Variants in LACC1 observed in about 807,000 individuals in gnomAD.
The protein encoded by LACC1 is laccase domain multifunctional purine nucleosidase 1, also known as purine nucleoside phosphorylase LACC1.
Under a neutral mutation model 34.8 loss-of-function variants are expected in LACC1, and 25 were observed. The observed-to-expected ratio is 0.72, with a 90% CI of 0.52 to 1.00. LACC1 has a LOEUF of 1.00. Among genes scored for constraint, LACC1 ranks in the 50% least tolerant of loss-of-function variants. LACC1 has a pLI of 0.00. For missense variants in LACC1, 426 were observed against 511.2 expected (o/e 0.83, Z 1.61); for synonymous variants, 162 against 168.0 (o/e 0.96, Z 0.28).
chr13:43,879,800 A>AGGTGAGGCGGGGCGAGGGGG (rs1954867554), upstream of LACC1: 1 of 77,806 alleles, frequency 1.3e-5, no homozygotes, highest in Non-Finnish European at 3.2e-5. Context: ...AGGCGGGGCG[A>AGGTGAGGCGGGGCGAGGGGG]GGCGAGGCGG....
chr13:43,881,161 A>G lies in LACC1; in HGVS notation c.176A>G (p.Asp59Gly), dbSNP rs769058033. The change falls in exon 2 of 7, where the codon GAT (aspartate) becomes GGT (glycine). Residue 59 changes from aspartate to glycine, a missense_variant. By Grantham distance (94) the Asp-to-Gly change is moderately conservative. Transcript: ENST00000325686. ...NISYERDGEQ[D>G]NCEIETSNGL... ...AGCTATGAAAGGGATGGAGAACAAGATAATTGTGAAATAGAAACAAGCAAT... is the reference window on the plus strand; with the variant it reads ...AGCTATGAAAGGGATGGAGAACAAGGTAATTGTGAAATAGAAACAAGCAAT... The G allele has an allele frequency of 8.7e-6, 14 of 1,614,096 alleles. No homozygotes were observed. Among genetic ancestry groups the G allele is most frequent in the Admixed American group, 1.7e-5 (1 of 60,006 alleles).
At chr13:43,882,564 GATAT>G (rs56292789) in intron 3 of LACC1, among the ~76,000 whole-genome samples, 39 of 139,136 alleles carry the variant, frequency 2.8e-4, no homozygotes, top group African/African-American at 4.7e-4. Context: ...CACACGTGCA[GATAT>G]ATATATATAT....
intron 6 of LACC1, among the ~76,000 whole-genome samples, chr13:43,890,657 C>T (rs895653635): frequency 2.0e-5 from 3 of 152,204 alleles, no homozygotes; most frequent in African/African-American, 7.2e-5. Context: ...TCCCTATCCT[C>T]ACATCCTTAT....
Position 43,890,176 on chromosome 13 carries a change from A to G in LACC1, c.1196A>G (p.Asn399Ser). 1.2e-6 allele frequency: 2 copies of G among 1,613,558 alleles called. No individual in the cohort carries two copies. Among genetic ancestry groups the G allele is most frequent in the Non-Finnish European group, 1.7e-6 (2 of 1,179,636 alleles). ...ATTCAGGACCAGAACCAAGATCTCAACCTCTGTACATCTTGCCATCCTGAC... is the reference window on the plus strand; with the variant it reads ...ATTCAGGACCAGAACCAAGATCTCAGCCTCTGTACATCTTGCCATCCTGAC... ...QNIQDQNQDL[N>S]LCTSCHPDKF... is the part of the protein sequence containing the mutation. Residue 399 changes from asparagine to serine, a missense_variant, in exon 6 of 7, where the codon AAC (asparagine) becomes AGC (serine). Coordinates refer to ENST00000325686, the MANE Select transcript of LACC1 (RefSeq NM_153218.4).
chr13:43,880,618 G>C (rs1054054802), intron 1 of LACC1, among the ~76,000 whole-genome samples: 1 of 152,180 alleles, frequency 6.6e-6, no homozygotes, highest in African/African-American at 2.4e-5. Flanking sequence ...ATATCACACA[G>C]GTTGACACTC....
intron 6 of LACC1, among the ~76,000 whole-genome samples, chr13:43,890,644 C>T (rs1172857208): frequency 2.0e-5 from 3 of 152,188 alleles, no homozygotes; most frequent in Admixed American, 2.0e-4. Context: ...GATATCTGTA[C>T]ATTCCCTATC....
chr13:43,889,003 C>G, intron 5 of LACC1, 21 bp downstream of exon 5: 1 of 1,544,326 alleles, frequency 6.5e-7, no homozygotes, highest in Non-Finnish European at 9.0e-7. Flanking sequence ...TTTCATTCAA[C>G]TGCAAGTTTG....
chr13:43,886,559 T>G (rs1433631289), intron 4 of LACC1, among the ~76,000 whole-genome samples: 2 of 151,996 alleles, frequency 1.3e-5, no homozygotes, highest in African/African-American at 2.4e-5. Context: ...TGAGTACACA[T>G]GGACACAAAA....
chr13:43,886,513 G>A (rs182319089), intron 4 of LACC1, among the ~76,000 whole-genome samples: 151 of 152,250 alleles, frequency 9.9e-4, no homozygotes, highest in African/African-American at 3.4e-3. Flanking sequence ...CAGAAAATCA[G>A]ATACCATATG....
intron 4 of LACC1, among the ~76,000 whole-genome samples, chr13:43,886,803 C>T (rs565099710): frequency 1.3e-5 from 2 of 152,202 alleles, no homozygotes; most frequent in Non-Finnish European, 2.9e-5. Context: ...TAATTAGCTA[C>T]ATTGTATACT....
Position 43,884,067 on chromosome 13 carries a change from C to T in LACC1, c.907+131C>T, listed in dbSNP as rs111485584. ...GTGGTAAGTGTAATGATGGGAGAGG[C>T]GGCATAGTTTTATTATAGGGACAGC... is the stretch of plus-strand genomic sequence containing the variant. On this transcript the variant is annotated intron_variant, in intron 4 of 6. Transcript: ENST00000325686. The T allele has an allele frequency of 2.5e-4, 153 of 621,840 alleles. No individual in the cohort carries two copies. Among genetic ancestry groups the T allele is most frequent in the Middle Eastern group, 4.4e-4 (1 of 2,284 alleles). The allele number at this position is 621,840 out of a possible 1,614,324, so 38.5% of individuals were successfully genotyped here. A position where few individuals can be genotyped will look rare whatever the true frequency, so the allele number is the denominator to read the frequency against.
At chr13:43,879,795 G>GGGCGAGGCGGGGCGAGGCGA (rs1566960990), upstream of LACC1, 35 of 79,734 alleles carry the variant, frequency 4.4e-4, no homozygotes, top group African/African-American at 1.2e-3. Context: ...GGGCGAGGCG[G>GGGCGAGGCGGGGCGAGGCGA]GGCGAGGCGA....
intron 5 of LACC1, among the ~76,000 whole-genome samples, chr13:43,889,314 T>G (rs1005807544): frequency 2.0e-5 from 3 of 152,228 alleles, no homozygotes; most frequent in Admixed American, 2.0e-4. Context: ...TAAATTCTCC[T>G]AAATGTAATG....
chr13:43,885,122 G>C (rs1224283526), intron 4 of LACC1, among the ~76,000 whole-genome samples: 1 of 152,102 alleles, frequency 6.6e-6, no homozygotes, highest in Non-Finnish European at 1.5e-5. Context: ...TAAACAAATG[G>C]AAAAACATTC....
intron 5 of LACC1, 52 bp from the exon 6 acceptor site, chr13:43,890,062 G>C: frequency 6.8e-7 from 1 of 1,476,484 alleles, no homozygotes; most frequent in Non-Finnish European, 9.2e-7. Flanking sequence ...ATATTGCTTT[G>C]GCTATTGGGA....
At position 43,893,018 on chromosome 13, in the gene LACC1, T is replaced by C. The variant is rs762277464; in HGVS notation, c.*1571T>C. 6.6e-5 allele frequency: 10 copies of C among 152,292 alleles called. No individual in the cohort carries two copies. Among genetic ancestry groups the C allele is most frequent in the African/African-American group, 2.4e-4 (10 of 41,552 alleles). 9.4% of individuals were successfully genotyped at this position (152,292 alleles called of 1,614,324 possible). A position where few individuals can be genotyped will look rare whatever the true frequency, so the allele number is the denominator to read the frequency against. Reference sequence around the variant, plus strand: ...GGGACTACATCTTCAAGGAAGGGACTTTTTTTGGATGAGCAGTTTTGAGTG... The same window carrying C: ...GGGACTACATCTTCAAGGAAGGGACCTTTTTTGGATGAGCAGTTTTGAGTG... On this transcript the variant is annotated 3_prime_UTR_variant, in exon 7 of 7. Transcript: ENST00000325686.
intron 4 of LACC1, among the ~76,000 whole-genome samples, chr13:43,886,619 G>A (rs1014423018): frequency 2.0e-5 from 3 of 152,150 alleles, no homozygotes; most frequent in Admixed American, 2.0e-4. Flanking sequence ...GGTGGGAGGA[G>A]GGTGACGACT....
At chr13:43,890,831 G>A (rs1026001521) in intron 6 of LACC1, among the ~76,000 whole-genome samples, 7 of 152,212 alleles carry the variant, frequency 4.6e-5, no homozygotes, top group African/African-American at 1.7e-4. Context: ...ACAGTAAGTA[G>A]TTTAGACTTT....
rs1368933018 is a variant in LACC1, at chr13:43,880,929, C to T, written c.-34-23C>T. ...TATAAGATTTATATAATCTTATATT[C>T]TTACACTAATTTTTATTTGCAGGTG... On this transcript the variant is annotated intron_variant, in intron 1 of 6. Coordinates refer to ENST00000325686, the MANE Select transcript of LACC1 (RefSeq NM_153218.4). 2.2e-6 allele frequency: 3 copies of T among 1,393,998 alleles called. No homozygotes were observed. In the Admixed American group the frequency reaches 6.3e-5, roughly 29 times the overall value. The allele number at this position is 1,393,998 out of a possible 1,614,324, so 86.4% of individuals were successfully genotyped here.
Sources: allele counts gnomAD v4.1 joint callset (sites outside exome capture counted in the v4.1 genomes callset), GRCh38; gene constraint gnomAD v4.1.1; transcripts MANE v1.5; gene names NCBI Gene and HGNC (gene_info 2026-07-23, HGNC 2026-07-21).